Variants in FOXO1 observed in about 807,000 individuals in gnomAD.
FOXO1 encodes forkhead box protein O1.
Under a neutral mutation model 44.1 loss-of-function variants are expected in FOXO1, and 6 were observed. The ratio of observed to expected loss-of-function variants is 0.14; its 90% confidence interval spans 0.07 to 0.27. The LOEUF is 0.27. FOXO1 is among the 10% of genes least tolerant of loss of function. The probability of loss-of-function intolerance (pLI) is 1.00; values close to 1 mark genes in which losing one functional copy is unlikely to be tolerated. For missense variants in FOXO1, 737 were observed against 888.8 expected (o/e 0.83, Z 2.17); for synonymous variants, 380 against 362.7 (o/e 1.05, Z -0.54).
At chr13:40,581,099 C>G (rs931680088) in intron 1 of FOXO1, among the ~76,000 whole-genome samples, 1 of 152,174 alleles carries the variant, frequency 6.6e-6, no homozygotes, top group Non-Finnish European at 1.5e-5. Context: ...TTCTTGGAGA[C>G]AGAAAGAGCT....
intron 1 of FOXO1, among the ~76,000 whole-genome samples, chr13:40,605,471 A>G (rs1875961344): frequency 6.6e-6 from 1 of 152,192 alleles, no homozygotes; most frequent in African/African-American, 2.4e-5. Context: ...TCAAAAAGAA[A>G]TGATGGGGAC....
intron 1 of FOXO1, among the ~76,000 whole-genome samples, chr13:40,649,156 G>A (rs998063474): frequency 1.3e-5 from 2 of 152,176 alleles, no homozygotes; most frequent in Admixed American, 6.6e-5. Flanking sequence ...GCCTCATAGG[G>A]CACATGACTA....
intron 1 of FOXO1, among the ~76,000 whole-genome samples, chr13:40,635,106 T>G (rs566157350): frequency 6.6e-6 from 1 of 152,322 alleles, no homozygotes; most frequent in South Asian, 2.1e-4. Flanking sequence ...TATATAAAAA[T>G]CTACCTGGTA....
intron 1 of FOXO1, among the ~76,000 whole-genome samples, chr13:40,564,255 A>G (rs1174435474): frequency 6.7e-6 from 1 of 149,882 alleles, no homozygotes; most frequent in Non-Finnish European, 1.5e-5. Flanking sequence ...TCACTAACTC[A>G]GGTGGGACAT....
At chr13:40,621,194 T>G in intron 1 of FOXO1, 1 of 621,856 alleles carries the variant, frequency 1.6e-6, no homozygotes, top group Non-Finnish European at 2.9e-6. Flanking sequence ...TCTGTAGTGT[T>G]TGTATCAGTG....
intron 1 of FOXO1, chr13:40,621,203 T>A: frequency 1.5e-6 from 1 of 647,484 alleles, no homozygotes; most frequent in Non-Finnish European, 2.7e-6. Flanking sequence ...TTTGTATCAG[T>A]GACCACATAA....
At chr13:40,627,874 T>C (rs975485869) in intron 1 of FOXO1, among the ~76,000 whole-genome samples, 3 of 150,738 alleles carry the variant, frequency 2.0e-5, no homozygotes, top group African/African-American at 7.3e-5. Flanking sequence ...CTTTCCTGAA[T>C]GTGAATGCTG....
At chr13:40,635,925 G>C (rs1877132912) in intron 1 of FOXO1, among the ~76,000 whole-genome samples, 1 of 152,192 alleles carries the variant, frequency 6.6e-6, no homozygotes, top group South Asian at 2.1e-4. Context: ...GTAAAAACCA[G>C]TGGGAGCCAG....
At position 40,560,266 on chromosome 13, in the gene FOXO1, G is replaced by A. The variant is rs774027114; in HGVS notation, c.1225C>T (p.Pro409Ser). 1 of 1,614,184 alleles carries A rather than the reference G, an allele frequency of 6.2e-7. No homozygotes were observed. The highest frequency in any genetic ancestry group is 1.1e-5 in the South Asian group (1 of 91,072). Residue 409 changes from proline (P) to serine (S), a missense_variant, in exon 2 of 3, where the codon CCA becomes TCA. Physicochemically the swap from Pro to Ser is moderately conservative, Grantham distance 74 (BLOSUM62 -1). Coordinates refer to ENST00000379561, the MANE Select transcript of FOXO1 (RefSeq NM_002015.4). The surrounding 1 kb of genome is among the most constrained non-coding windows in gnomAD (Gnocchi z 5.1). ...GGTGAATTCAAACTGGTGTTTGGTG[G>A]CGCAAACGAGTAGCACGGCGTCTGC... ...MQQTPCYSFAPPNTSLNSPSP... is the reference protein window; with the variant it reads ...MQQTPCYSFASPNTSLNSPSP...
chr13:40,607,077 A>G (rs546294171), intron 1 of FOXO1, among the ~76,000 whole-genome samples: 1 of 152,158 alleles, frequency 6.6e-6, no homozygotes, highest in Admixed American at 6.5e-5. Context: ...CATCTGCCCA[A>G]CTTCTCCCCA....
At chr13:40,578,731 A>C (rs1874851605) in intron 1 of FOXO1, among the ~76,000 whole-genome samples, 1 of 152,262 alleles carries the variant, frequency 6.6e-6, no homozygotes, top group Non-Finnish European at 1.5e-5. Flanking sequence ...CTCTGGCCAC[A>C]CAGAATTAAA....
intron 1 of FOXO1, among the ~76,000 whole-genome samples, chr13:40,584,501 A>AAAAAAAAAAAAAAGC (rs1555248680): frequency 1.7e-5 from 2 of 117,248 alleles, no homozygotes; most frequent in Non-Finnish European, 3.4e-5. Flanking sequence ...AAAAAAAAAA[A>AAAAAAAAAAAAAAGC]GCCAGATGCA....
At chr13:40,581,429 C>G (rs150514078) in intron 1 of FOXO1, among the ~76,000 whole-genome samples, 163 of 152,260 alleles carry the variant, frequency 1.1e-3, no homozygotes, top group African/African-American at 3.7e-3. Flanking sequence ...TTAATTAGCC[C>G]CCATCTGCTT....
chr13:40,576,171 T>A (rs969842980), intron 1 of FOXO1, among the ~76,000 whole-genome samples: 22 of 152,158 alleles, frequency 1.4e-4, no homozygotes, highest in Non-Finnish European at 8.8e-5. Context: ...ACTAGTAAGG[T>A]ATGTCTGGAG....
At chr13:40,607,109 C>G (rs1876027503) in intron 1 of FOXO1, among the ~76,000 whole-genome samples, 1 of 152,188 alleles carries the variant, frequency 6.6e-6, no homozygotes, top group Non-Finnish European at 1.5e-5. Context: ...AGACCAGACC[C>G]AGGTTTCTTC....
chr13:40,663,238 T>C (rs1284220083), intron 1 of FOXO1, among the ~76,000 whole-genome samples: 1 of 152,222 alleles, frequency 6.6e-6, no homozygotes, highest in Non-Finnish European at 1.5e-5. Flanking sequence ...TATTCTTGCA[T>C]TTTTAAAAAA....
At chr13:40,664,935 G>C (rs1205340592) in intron 1 of FOXO1, among the ~76,000 whole-genome samples, 1 of 151,888 alleles carries the variant, frequency 6.6e-6, no homozygotes, top group Non-Finnish European at 1.5e-5. Context: ...CGCACGTGTC[G>C]GAGGCACCAC....
intron 1 of FOXO1, among the ~76,000 whole-genome samples, chr13:40,643,347 GAAAAAAAA>G (rs71727126): frequency 1.1e-5 from 1 of 91,406 alleles, no homozygotes; most frequent in Non-Finnish European, 2.3e-5. Context: ...GTCTCAAAAA[GAAAAAAAA>G]AAAAAAAAGA....
In FOXO1 at chr13:40,559,678, T is replaced by C. The variant is rs1482779293; in HGVS notation, c.1813A>G (p.Met605Val). ...QEKLPSDLDGMFIERLDCDME... is the reference protein window; with the variant it reads ...QEKLPSDLDGVFIERLDCDME... ...TCACAGTCTAAGCGCTCAATGAACA[T>C]GCCATCCAAGTCACTTGGGAGCTTC... Residue 605 changes from methionine to valine, a missense_variant, in exon 2 of 3, where the codon ATG becomes GTG. Met to Val is a conservative substitution (Grantham distance 21). Transcript: ENST00000379561. The C allele has an allele frequency of 6.2e-7, 1 of 1,614,010 alleles. No individual in the cohort carries two copies.
Sources: gnomAD v4.1 joint callset for allele counts (sites outside exome capture counted in the v4.1 genomes callset) on GRCh38, gnomAD v4.1.1 for gene constraint, Gnocchi (gnomAD v3.1) non-coding constraint, MANE v1.5 for transcripts, NCBI Gene and HGNC (gene_info 2026-07-23, HGNC 2026-07-21) for gene names.